Variants in CMYA5 observed in about 807,000 individuals in gnomAD.
The protein encoded by CMYA5 is cardiomyopathy associated 5.
A neutral mutation model predicts 318.9 loss-of-function variants in CMYA5; 246 were observed. The ratio of observed to expected loss-of-function variants is 0.77; its 90% CI spans 0.70 to 0.86. CMYA5 has a LOEUF of 0.86. CMYA5 is among the 40% of genes least tolerant of loss of function. The probability of loss-of-function intolerance (pLI) is 0.00; values close to 1 mark genes in which losing one functional copy is unlikely to be tolerated. For synonymous variants in CMYA5, 1,641 were observed against 1,729.5 expected, an observed-to-expected ratio of 0.95 and a Z score of 1.27; for missense variants, 4,589 against 4,678.2, an observed-to-expected ratio of 0.98 and a Z score of 0.56.
chr5:79,788,908 G>A (rs1829125491), intron 9 of CMYA5, 63 bp from the exon 10 acceptor site: 1 of 1,502,450 alleles, frequency 6.7e-7, no homozygotes, highest in Non-Finnish European at 9.1e-7. Flanking sequence ...CTACCAAATT[G>A]AAATAGGAAT....
intron 12 of CMYA5, among the ~76,000 whole-genome samples, chr5:79,799,073 C>T (rs1829326016): frequency 6.6e-6 from 1 of 152,114 alleles, no homozygotes; most frequent in Non-Finnish European, 1.5e-5. Context: ...AACATGTGGG[C>T]AGCTGGGAGA....
chr5:79,777,775 TA>T (rs1160709237), intron 9 of CMYA5, among the ~76,000 whole-genome samples: 1 of 145,606 alleles, frequency 6.9e-6, no homozygotes, highest in East Asian at 2.3e-4. Flanking sequence ...CACTGCATCT[TA>T]AAAAAAATAA....
chr5:79,728,335 T>C (rs1827792608), intron 1 of CMYA5, among the ~76,000 whole-genome samples: 1 of 151,334 alleles, frequency 6.6e-6, no homozygotes, highest in African/African-American at 2.4e-5. Flanking sequence ...TTTTTTTTCT[T>C]CTGTGGATAT....
intron 1 of CMYA5, among the ~76,000 whole-genome samples, chr5:79,720,269 A>C (rs1827594852): frequency 6.6e-6 from 1 of 152,168 alleles, no homozygotes; most frequent in Admixed American, 6.5e-5. Context: ...ACCAAATCAC[A>C]AAAACAGCTG....
At chr5:79,772,449 T>A (rs1204434538) in intron 9 of CMYA5, among the ~76,000 whole-genome samples, 2 of 152,114 alleles carry the variant, frequency 1.3e-5, no homozygotes, top group South Asian at 2.1e-4. Flanking sequence ...TGCCAGGAGG[T>A]GCAACGATAT....
Position 79,729,819 on chromosome 5 carries a change from G to C in CMYA5, c.1054G>C (p.Glu352Gln). Residue 352 changes from glutamate to glutamine, a missense_variant, in exon 2 of 13, where the codon GAA (glutamate) becomes CAA (glutamine). Coordinates refer to ENST00000446378, the MANE Select transcript of CMYA5 (RefSeq NM_153610.5). Reference protein sequence around the residue: ...VPSYSSSGRAEQGIQLRHSQS... With the variant: ...VPSYSSSGRAQQGIQLRHSQS... ...CTCTTATTCAAGTAGTGGCAGAGCA[G>C]AACAAGGAATACAGCTCAGGCATTC... 6.2e-7 allele frequency: 1 copy of C among 1,613,492 alleles called. No homozygotes were observed. The highest frequency in any genetic ancestry group is 8.5e-7 in the Non-Finnish European group (1 of 1,179,682).
At chr5:79,742,570 G>T (rs1828238520) in intron 2 of CMYA5, among the ~76,000 whole-genome samples, 1 of 152,168 alleles carries the variant, frequency 6.6e-6, no homozygotes, top group African/African-American at 2.4e-5. Flanking sequence ...AGGCATTTGT[G>T]CCTGTTCCAG....
At chr5:79,692,173 G>A (rs1580740495) in intron 1 of CMYA5, among the ~76,000 whole-genome samples, 1 of 152,284 alleles carries the variant, frequency 6.6e-6, no homozygotes, top group South Asian at 2.1e-4. Context: ...GGGGGGTGTA[G>A]TGTAGTGAGG....
chr5:79,760,240 C>T (rs1246155166), intron 7 of CMYA5, among the ~76,000 whole-genome samples: 1 of 151,446 alleles, frequency 6.6e-6, no homozygotes, highest in Non-Finnish European at 1.5e-5. Context: ...CTTCCCTATC[C>T]TGTGTCTCAT....
rs16877135 is a variant in CMYA5, at chr5:79,732,763, C to T, written c.3998C>T (p.Ala1333Val). The T allele has an allele frequency of 0.087, 140,644 of 1,613,406 alleles. 10,823 individuals carry two copies. The highest frequency in any genetic ancestry group is 0.46 in the East Asian group (20,517 of 44,822). Residue 1333 changes from alanine to valine, a missense_variant, in exon 2 of 13, where the codon GCA (alanine) becomes GTA (valine). Coordinates refer to ENST00000446378, the MANE Select transcript of CMYA5 (RefSeq NM_153610.5). ...AAGCAAGTTGAACATGGTCCACCTG[C>T]ACTAGCATTTTCAGCTTTGTCAGAA... Reference protein sequence around the residue: ...VEKQVEHGPPALAFSALSEEI... With the variant: ...VEKQVEHGPPVLAFSALSEEI...
intron 1 of CMYA5, among the ~76,000 whole-genome samples, chr5:79,725,345 A>G (rs960150476): frequency 2.6e-5 from 4 of 152,234 alleles, no homozygotes; most frequent in South Asian, 4.1e-4. Context: ...CCATCGTCCT[A>G]AGCAAATGAA....
In CMYA5 at chr5:79,763,176, GC is replaced by G; in HGVS notation, c.11523del (p.Cys3841Ter). Reference sequence around the variant, plus strand: ...ACGGAGACCTACACTCTGGAGTACTGCAGACAGCACTCTCCTGAGGGAGAGG... The same window carrying G: ...ACGGAGACCTACACTCTGGAGTACTGAGACAGCACTCTCCTGAGGGAGAGG... ...EATETYTLEY[C>X]RQHSPEGEGL... On this transcript the variant is annotated frameshift_variant, in exon 9 of 13. Transcript: ENST00000446378. LOFTEE classifies it high-confidence loss of function. The G allele has an allele frequency of 6.2e-7, 1 of 1,610,988 alleles. No homozygotes were observed. Among genetic ancestry groups the G allele is most frequent in the East Asian group, 2.2e-5 (1 of 44,806 alleles).
At chr5:79,746,517 T>A (rs75431912) in intron 4 of CMYA5, among the ~76,000 whole-genome samples, 8,453 of 86,218 alleles carry the variant, frequency 0.098, 387 homozygotes, top group East Asian at 0.31. Context: ...AGAATAAGAA[T>A]AATTTACTTC....
At position 79,730,248 on chromosome 5, in the gene CMYA5, C is replaced by G. The variant is rs202113003; in HGVS notation, c.1483C>G (p.Leu495Val). The change falls in exon 2 of 13, where the codon CTT (leucine) becomes GTT (valine). Residue 495 changes from leucine (L) to valine (V), a missense_variant. Physicochemically the swap from Leu to Val is conservative, Grantham distance 32. This residue lies in a region of CMYA5 where 2,132 missense variants were observed against 2,131.3 expected (regional missense o/e 1.00). Coordinates refer to ENST00000446378, the MANE Select transcript of CMYA5 (RefSeq NM_153610.5). ...AAACATGCTTGAGCCATCCATTTCT[C>G]TTTCTGAACCTCTAATGTTAGAAGA... ...EENMLEPSISLSEPLMLEEPE... is the reference protein window; with the variant it reads ...EENMLEPSISVSEPLMLEEPE... 422 of 1,613,938 alleles carry G rather than the reference C, an allele frequency of 2.6e-4. 2 individuals are homozygous for G. The highest frequency in any genetic ancestry group is 3.3e-4 in the Non-Finnish European group (385 of 1,179,868).
Position 79,738,252 on chromosome 5 carries a change from G to C in CMYA5, c.9487G>C (p.Gly3163Arg). The part of the protein sequence containing the change: ...PGMPLFEAEE[G>R]VLSRTQIFPT... ...GATGCCTTTATTTGAAGCAGAGGAAGGAGTTCTATCACGAACCCAGATATT... is the reference window on the plus strand; with the variant it reads ...GATGCCTTTATTTGAAGCAGAGGAACGAGTTCTATCACGAACCCAGATATT... The change falls in exon 2 of 13, where the codon GGA becomes CGA. Residue 3163 changes from glycine (G) to arginine (R), a missense_variant. Gly to Arg is a moderately radical substitution (Grantham distance 125). This residue lies in a region of CMYA5 where 2,431 missense variants were observed against 2,495.1 expected (regional missense o/e 0.97). Transcript: ENST00000446378. The C allele has an allele frequency of 6.2e-7, 1 of 1,613,684 alleles. No homozygotes were observed. The highest frequency in any genetic ancestry group is 1.7e-5 in the Admixed American group (1 of 59,978).
At chr5:79,722,408 G>A (rs546078594) in intron 1 of CMYA5, among the ~76,000 whole-genome samples, 1 of 152,138 alleles carries the variant, frequency 6.6e-6, no homozygotes, top group African/African-American at 2.4e-5. Context: ...TATGTGCAGT[G>A]GCTCATGCAT....
In CMYA5 at chr5:79,731,535, A is replaced by G. The variant is rs1827902112; in HGVS notation, c.2770A>G (p.Asn924Asp). 2.5e-6 allele frequency: 4 copies of G among 1,604,302 alleles called. No homozygotes were observed. The East Asian group carries it at 8.9e-5, about 36-fold the overall frequency. ...GGAAGAAATTGTCCATAGATCTCTA[A>G]ATCTAAAAGGTGCATCCTCACCCAT... is the stretch of plus-strand genomic sequence containing the variant. ...QEEEIVHRSL[N>D]LKGASSPMNL... The change falls in exon 2 of 13, where the codon AAT (asparagine) becomes GAT (aspartate). Residue 924 changes from asparagine to aspartate, a missense_variant. Asn to Asp is a conservative substitution (Grantham distance 23). This residue lies in a region of CMYA5 where 2,132 missense variants were observed against 2,131.3 expected (regional missense o/e 1.00). Transcript: ENST00000446378.
At chr5:79,796,161 G>A (rs181511736) in intron 12 of CMYA5, among the ~76,000 whole-genome samples, 21 of 152,240 alleles carry the variant, frequency 1.4e-4, no homozygotes, top group African/African-American at 3.9e-4. Flanking sequence ...TTCCAAACAG[G>A]GGAGGAGAAA....
In CMYA5 at chr5:79,745,307, C is replaced by T; in HGVS notation, c.10820C>T (p.Ala3607Val). Residue 3607 changes from alanine (A) to valine (V), a missense_variant, in exon 4 of 13, where the codon GCC becomes GTC. This residue lies in a region of CMYA5 where 2,431 missense variants were observed against 2,495.1 expected (regional missense o/e 0.97). Transcript: ENST00000446378. ...GTTTTAGCACAGTATGATGAGAAAG[C>T]CCAGAGCTTTGAGGAAGTGAAGAAG... ...KKVLAQYDEK[A>V]QSFEEVKKKK... 2 of 1,613,648 alleles carry T rather than the reference C, an allele frequency of 1.2e-6. No homozygotes were observed. The highest frequency in any genetic ancestry group is 1.7e-6 in the Non-Finnish European group (2 of 1,179,756).
Sources: allele counts gnomAD v4.1 joint callset (sites outside exome capture counted in the v4.1 genomes callset), GRCh38; gene constraint gnomAD v4.1.1; regional missense constraint gnomAD v4.1.1; transcripts MANE v1.5; gene names NCBI Gene and HGNC (gene_info 2026-07-23, HGNC 2026-07-21).